Variants in LRMDA observed in about 807,000 individuals in gnomAD.
LRMDA encodes the protein leucine rich melanocyte differentiation associated.
In LRMDA, 18 loss-of-function variants were observed where a neutral mutation model predicts 29.8. That is an observed-to-expected ratio of 0.60 (90% CI 0.42 to 0.90). LRMDA has a LOEUF of 0.90. LRMDA is among the 40% of genes least tolerant of loss of function. The pLI is 0.00. For synonymous variants in LRMDA, 125 were observed against 109.4 expected, an observed-to-expected ratio of 1.14 and a Z score of -0.89; for missense variants, 273 against 273.9, an observed-to-expected ratio of 1.00 and a Z score of 0.02.
chr10:75,759,146 G>T (rs1397402498), intron 2 of LRMDA, among the ~76,000 whole-genome samples: 1 of 152,142 alleles, frequency 6.6e-6, no homozygotes, highest in Non-Finnish European at 1.5e-5. Context: ...TGAAGATAAA[G>T]GTTAGCAAAT....
At chr10:76,468,656 G>A (rs1482002348) in intron 6 of LRMDA, among the ~76,000 whole-genome samples, 1 of 152,082 alleles carries the variant, frequency 6.6e-6, no homozygotes, top group Non-Finnish European at 1.5e-5. Flanking sequence ...TCATTTTCAG[G>A]TATACACATC....
intron 5 of LRMDA, among the ~76,000 whole-genome samples, chr10:76,205,854 T>C (rs1851524839): frequency 1.3e-5 from 2 of 152,162 alleles, no homozygotes; most frequent in Middle Eastern, 3.4e-3. Flanking sequence ...AGATCTTTGC[T>C]ACTGAAAATG....
intron 2 of LRMDA, among the ~76,000 whole-genome samples, chr10:75,922,010 T>G (rs1302456187): frequency 6.6e-6 from 1 of 152,220 alleles, no homozygotes; most frequent in African/African-American, 2.4e-5. Context: ...ACTTTTTATC[T>G]CTTTCGTTTT....
At chr10:76,410,298 CTT>C (rs1172213249) in intron 6 of LRMDA, among the ~76,000 whole-genome samples, 204 of 66,516 alleles carry the variant, frequency 3.1e-3, no homozygotes, top group African/African-American at 0.011. Flanking sequence ...CACTTTCTTT[CTT>C]TTTTTTTTTT....
intron 2 of LRMDA, among the ~76,000 whole-genome samples, chr10:76,034,251 T>G (rs1848201595): frequency 1.3e-5 from 2 of 152,182 alleles, no homozygotes; most frequent in African/African-American, 2.4e-5. Context: ...TCACATGACA[T>G]ATTTTGATAC....
chr10:76,491,182 C>T (rs1257332388), intron 6 of LRMDA, among the ~76,000 whole-genome samples: 5 of 151,878 alleles, frequency 3.3e-5, no homozygotes, highest in Non-Finnish European at 7.4e-5. Context: ...CATCTTTCGT[C>T]TTCCTACTTA....
chr10:76,292,996 T>C (rs1426827087), intron 5 of LRMDA, among the ~76,000 whole-genome samples: 1 of 152,168 alleles, frequency 6.6e-6, no homozygotes, highest in African/African-American at 2.4e-5. Context: ...TATGATGGAT[T>C]CTTGCTCTGT....
chr10:76,225,724 T>TTTATTTATTTATTTA (rs1554856628), intron 5 of LRMDA, among the ~76,000 whole-genome samples: 1 of 83,962 alleles, frequency 1.2e-5, no homozygotes, highest in South Asian at 4.1e-4. Context: ...TTATTTATTA[T>TTTATTTATTTATTTA]TATATATATA....
chr10:76,369,050 C>T (rs964444500), intron 6 of LRMDA, among the ~76,000 whole-genome samples: 1 of 152,136 alleles, frequency 6.6e-6, no homozygotes, highest in East Asian at 1.9e-4. Context: ...GGTTCTTATC[C>T]ATTCTGCTGT....
At chr10:76,344,902 GAA>G (rs202054799) in intron 6 of LRMDA, among the ~76,000 whole-genome samples, 1 of 130,718 alleles carries the variant, frequency 7.7e-6, no homozygotes, top group Non-Finnish European at 1.7e-5. Context: ...AATTTTAAGT[GAA>G]AAAAAAAAAG....
intron 6 of LRMDA, among the ~76,000 whole-genome samples, chr10:76,392,168 T>C (rs1841730324): frequency 6.6e-6 from 1 of 152,164 alleles, no homozygotes; most frequent in Non-Finnish European, 1.5e-5. Context: ...TTTGCATTAA[T>C]ATATTCAGTT....
intron 5 of LRMDA, among the ~76,000 whole-genome samples, chr10:76,314,680 T>C (rs1483187293): frequency 2.0e-5 from 3 of 152,210 alleles, no homozygotes; most frequent in Non-Finnish European, 4.4e-5. Flanking sequence ...AGGTAATTTA[T>C]TCAAGTTTAA....
intron 2 of LRMDA, among the ~76,000 whole-genome samples, chr10:75,482,662 C>T (rs1452712523): frequency 6.6e-6 from 1 of 152,150 alleles, no homozygotes; most frequent in African/African-American, 2.4e-5. Flanking sequence ...TCTGTGTCAG[C>T]TCAACTATGT....
chr10:76,212,601 G>A lies in LRMDA; in HGVS notation c.517-111800G>A, dbSNP rs536377430. Among the ~76,000 whole-genome samples, 3 of 152,296 alleles carry A rather than the reference G, an allele frequency of 2.0e-5. No homozygotes were observed. The South Asian group carries it at 6.2e-4, about 32-fold the overall frequency. On this transcript the variant is annotated intron_variant, in intron 5 of 6. Coordinates refer to ENST00000611255, the MANE Select transcript of LRMDA (RefSeq NM_001305581.2). ...CCACACTGAACTAATGATAATTTCA[G>A]CCAAAAGGCAAAGAAGCTTCATGTT...
chr10:76,037,434 A>C (rs1410632509), intron 3 of LRMDA, among the ~76,000 whole-genome samples: 1 of 152,268 alleles, frequency 6.6e-6, no homozygotes, highest in Non-Finnish European at 1.5e-5. Context: ...GCCAGCATTT[A>C]AGAATGATTT....
At chr10:75,507,423 C>T (rs1286818187) in intron 2 of LRMDA, among the ~76,000 whole-genome samples, 1 of 152,116 alleles carries the variant, frequency 6.6e-6, no homozygotes, top group Non-Finnish European at 1.5e-5. Context: ...TTTCAAGGTA[C>T]CAAAAAGCCC....
At chr10:76,240,630 C>A (rs1852255893) in intron 5 of LRMDA, among the ~76,000 whole-genome samples, 1 of 150,724 alleles carries the variant, frequency 6.6e-6, no homozygotes, top group Admixed American at 6.6e-5. Flanking sequence ...TCCTGGGTAT[C>A]TACCCAGAGG....
chr10:76,284,596 G>A (rs1840247828), intron 5 of LRMDA, among the ~76,000 whole-genome samples: 1 of 152,136 alleles, frequency 6.6e-6, no homozygotes, highest in African/African-American at 2.4e-5. Flanking sequence ...CAGCTTGACA[G>A]AGAGTTTAAC....
intron 2 of LRMDA, among the ~76,000 whole-genome samples, chr10:75,740,990 A>ATCTCTTAC (rs1842821900): frequency 6.6e-6 from 1 of 152,114 alleles, no homozygotes; most frequent in Non-Finnish European, 1.5e-5. Flanking sequence ...TCACAAGAAG[A>ATCTCTTAC]TCTCTTACTT....
Sources: allele counts gnomAD v4.1 joint callset (sites outside exome capture counted in the v4.1 genomes callset), GRCh38; gene constraint gnomAD v4.1.1; transcripts MANE v1.5; gene names NCBI Gene and HGNC (gene_info 2026-07-23, HGNC 2026-07-21).